Variants in CELF5 observed in about 807,000 individuals in gnomAD.
CELF5 encodes CUGBP Elav-like family member 5, also known as CUG-BP and ETR-3 like factor 5.
CELF5 carries 6 observed loss-of-function variants against 54.9 expected under a neutral mutation model. That is an observed-to-expected ratio of 0.11 (90% CI 0.06 to 0.22). CELF5 has a LOEUF of 0.22. CELF5 is among the 10% of genes least tolerant of loss of function. The probability of loss-of-function intolerance (pLI) is 1.00; values close to 1 mark genes in which losing one functional copy is unlikely to be tolerated. For missense variants in CELF5, 401 were observed against 678.6 expected (o/e 0.59, Z 4.54); for synonymous variants, 271 against 290.9 (o/e 0.93, Z 0.70).
rs746824364 is a variant in CELF5, at chr19:3,278,127, C to G, written c.603+17C>G. ...ACCATGCCGGTGAGTTGGAGCTGCC[C>G]TTGGCCGTGGGGGTGGGGGTGGGAA... is the stretch of plus-strand genomic sequence containing the variant. On this transcript the variant is annotated intron_variant, in intron 5 of 12. Transcript: ENST00000292672. The surrounding 1 kb of genome is among the most constrained non-coding windows in gnomAD (Gnocchi z 4.5). The G allele has an allele frequency of 6.9e-6, 8 of 1,160,086 alleles. No homozygotes were observed. The East Asian group carries it at 2.4e-4, about 35-fold the overall frequency. 71.9% of individuals were successfully genotyped at this position (1,160,086 alleles called of 1,614,324 possible).
intron 1 of CELF5, among the ~76,000 whole-genome samples, chr19:3,247,361 C>T (rs1242707109): frequency 1.3e-5 from 2 of 151,782 alleles, no homozygotes; most frequent in South Asian, 4.2e-4. Context: ...CTCCTGACCT[C>T]GTGATCCACC....
At chr19:3,264,871 A>G (rs1271437608) in intron 2 of CELF5, among the ~76,000 whole-genome samples, 1 of 151,202 alleles carries the variant, frequency 6.6e-6, no homozygotes, top group Non-Finnish European at 1.5e-5. Flanking sequence ...CTGCCACCAC[A>G]CCCAGCTAAT....
At chr19:3,227,128 G>A (rs1477389209) in intron 1 of CELF5, among the ~76,000 whole-genome samples, 1 of 152,162 alleles carries the variant, frequency 6.6e-6, no homozygotes, top group Non-Finnish European at 1.5e-5. Flanking sequence ...GTACCCTCGG[G>A]GAAGTGAATC....
intron 2 of CELF5, among the ~76,000 whole-genome samples, chr19:3,255,898 C>G (rs66479861): frequency 0.19 from 29,291 of 151,512 alleles, 3,268 homozygotes; most frequent in East Asian, 0.54. Flanking sequence ...AACCCCATCT[C>G]TGCTCAAAGT....
chr19:3,240,331 T>C (rs1344815579), intron 1 of CELF5, among the ~76,000 whole-genome samples: 14 of 151,680 alleles, frequency 9.2e-5, no homozygotes, highest in Non-Finnish European at 1.9e-4. Flanking sequence ...TTTTTCTTTC[T>C]TTCTTTTTTT....
intron 10 of CELF5, among the ~76,000 whole-genome samples, chr19:3,288,567 G>T (rs1249249284): frequency 6.6e-6 from 1 of 151,910 alleles, no homozygotes; most frequent in African/African-American, 2.4e-5. Context: ...ACAAGCTTTG[G>T]CCAGGTGCAG....
At chr19:3,272,152 A>C (rs312930) in intron 2 of CELF5, among the ~76,000 whole-genome samples, 87,088 of 151,480 alleles carry the variant, frequency 0.57, 25,585 homozygotes, top group African/African-American at 0.71. Flanking sequence ...CGGATCACGA[A>C]CTCAGCAGAT....
chr19:3,256,787 C>G (rs1175757400), intron 2 of CELF5, among the ~76,000 whole-genome samples: 2 of 151,862 alleles, frequency 1.3e-5, no homozygotes, highest in African/African-American at 4.8e-5. Context: ...AGGCTGGTCT[C>G]AAACTCCTGA....
chr19:3,279,611 G>A (rs1016817497), intron 5 of CELF5, among the ~76,000 whole-genome samples: 1 of 152,076 alleles, frequency 6.6e-6, no homozygotes, highest in African/African-American at 2.4e-5. Flanking sequence ...GGAGCTGGTC[G>A]AAGGGGAAGA....
chr19:3,279,326 G>A (rs760609660), intron 5 of CELF5, among the ~76,000 whole-genome samples: 4 of 152,180 alleles, frequency 2.6e-5, no homozygotes, highest in East Asian at 3.9e-4. Context: ...CCCTTCCCCC[G>A]AGGAAGGAGT....
intron 2 of CELF5, among the ~76,000 whole-genome samples, chr19:3,267,558 G>A (rs1262054177): frequency 2.0e-5 from 3 of 152,172 alleles, no homozygotes; most frequent in Non-Finnish European, 2.9e-5. Flanking sequence ...GGGACAGTGC[G>A]GGGAGGGGCA....
At chr19:3,248,402 A>AC (rs934552230) in intron 1 of CELF5, among the ~76,000 whole-genome samples, 4 of 143,632 alleles carry the variant, frequency 2.8e-5, no homozygotes, top group African/African-American at 5.2e-5. Context: ...AGCCCCTGGC[A>AC]CCCCCCATCC....
In CELF5 at chr19:3,278,142, G is replaced by T. The variant is rs1181837767; in HGVS notation, c.603+32G>T. On this transcript the variant is annotated intron_variant, in intron 5 of 12. Coordinates refer to ENST00000292672, the MANE Select transcript of CELF5 (RefSeq NM_021938.4). This position sits in a 1 kb window ranked among gnomAD's most constrained non-coding sequence, Gnocchi z 4.5. ...TGGAGCTGCCCTTGGCCGTGGGGGT[G>T]GGGGTGGGAAAGGGGTGAGGGGGAC... The T allele has an allele frequency of 6.7e-7, 1 of 1,485,436 alleles. No homozygotes were observed. 92.0% of individuals were successfully genotyped at this position (1,485,436 alleles called of 1,614,324 possible). A position where few individuals can be genotyped will look rare whatever the true frequency, so the allele number is the denominator to read the frequency against.
chr19:3,247,699 G>A (rs1206828466), intron 1 of CELF5, among the ~76,000 whole-genome samples: 1 of 151,740 alleles, frequency 6.6e-6, no homozygotes, highest in Non-Finnish European at 1.5e-5. Context: ...GGGTACATTG[G>A]TAATATATCC....
intron 2 of CELF5, among the ~76,000 whole-genome samples, chr19:3,259,376 C>T (rs1015090555): frequency 6.6e-6 from 1 of 151,978 alleles, no homozygotes; most frequent in Admixed American, 6.6e-5. Flanking sequence ...AGGGACGCTA[C>T]TCAGCACCCT....
At chr19:3,242,591 G>C (rs1425785943) in intron 1 of CELF5, among the ~76,000 whole-genome samples, 1 of 152,174 alleles carries the variant, frequency 6.6e-6, no homozygotes, top group African/African-American at 2.4e-5. Context: ...TGGATCATAA[G>C]GTCGGGAGTT....
chr19:3,289,865 A>C (rs1372841882), intron 10 of CELF5, among the ~76,000 whole-genome samples: 4 of 151,844 alleles, frequency 2.6e-5, no homozygotes, highest in Admixed American at 2.6e-4. Flanking sequence ...CAGAGTTTGA[A>C]GTTTAGGGAG....
rs3046138 is a variant in CELF5 at position 3,278,679 on chromosome 19, T to TTGTGTG, written c.603+585_603+590dup. ...TCTGCAGGTGCATTTGTGGGCAGGTTTGTGTGTGTGTGTGTGTGTGTTTGT... is the reference window on the plus strand; with the variant it reads ...TCTGCAGGTGCATTTGTGGGCAGGTTTGTGTGTGTGTGTGTGTGTGTGTGTGTTTGT... On this transcript the variant is annotated intron_variant, in intron 5 of 12. Transcript: ENST00000292672. This position sits in a 1 kb window ranked among gnomAD's most constrained non-coding sequence, Gnocchi z 4.5. 9.8e-4 allele frequency among the ~76,000 whole-genome samples: 146 copies of TTGTGTG among 148,992 alleles called. No homozygotes were observed. The highest frequency in any genetic ancestry group is 2.1e-3 in the African/African-American group (87 of 40,502).
chr19:3,239,493 C>T (rs189033872), intron 1 of CELF5, among the ~76,000 whole-genome samples: 4 of 152,042 alleles, frequency 2.6e-5, no homozygotes, highest in African/African-American at 9.6e-5. Context: ...ACTTCAGCCT[C>T]CCGAGTACCT....
Sources: gnomAD v4.1 joint callset for allele counts (sites outside exome capture counted in the v4.1 genomes callset) on GRCh38, gnomAD v4.1.1 for gene constraint, Gnocchi (gnomAD v3.1) non-coding constraint, MANE v1.5 for transcripts, NCBI Gene and HGNC (gene_info 2026-07-23, HGNC 2026-07-21) for gene names.